The following ZBTB20 variants were observed in gnomAD, a reference collection of about 807,000 sequenced individuals.
ZBTB20 encodes zinc finger and BTB domain-containing protein 20.
ZBTB20 carries 9 observed loss-of-function variants against 56.9 expected under a neutral mutation model. The ratio of observed to expected loss-of-function variants is 0.16; its 90% confidence interval spans 0.10 to 0.28. The LOEUF (loss-of-function observed/expected upper bound fraction) is 0.28, where lower values mean the gene tolerates loss of function less well. Ranked by LOEUF, ZBTB20 falls within the 10% of genes least tolerant of loss-of-function variation. The probability of loss-of-function intolerance (pLI) is 1.00; values close to 1 mark genes in which losing one functional copy is unlikely to be tolerated. For missense variants in ZBTB20, 655 were observed against 1,003.0 expected, an observed-to-expected ratio of 0.65 and a Z score of 4.69; for synonymous variants, 417 against 420.7, an observed-to-expected ratio of 0.99 and a Z score of 0.11.
At position 114,665,778 on chromosome 3, in the gene ZBTB20, G is replaced by A. The variant is rs564421767; in HGVS notation, c.-295+27750C>T. ...AACAATTCATTGAACATGAGAAAAA[G>A]CAAACAAACACGCTTGTTAATAAAT... On this transcript the variant is annotated intron_variant, in intron 6 of 11. Coordinates refer to ENST00000675478, the MANE Select transcript of ZBTB20 (RefSeq NM_001348800.3). 5.3e-5 allele frequency among the ~76,000 whole-genome samples: 8 copies of A among 152,072 alleles called. No individual in the cohort carries two copies. The South Asian group carries it at 1.7e-3, about 32-fold the overall frequency.
chr3:114,378,838 T>C lies in ZBTB20; in HGVS notation c.199+1379A>G, dbSNP rs535425401. On this transcript the variant is annotated intron_variant, in intron 10 of 11. Transcript: ENST00000675478. Reference sequence around the variant, plus strand: ...AGGCAAGAAGGTCCAAGGATGTGACTATTAGGACGGTCCTCAGAACACAGT... The same window carrying C: ...AGGCAAGAAGGTCCAAGGATGTGACCATTAGGACGGTCCTCAGAACACAGT... 9 of 152,418 alleles carry C rather than the reference T, an allele frequency of 5.9e-5. No individual in the cohort carries two copies. In the East Asian group the frequency reaches 1.2e-3, roughly 20 times the overall value. The allele number at this position is 152,418 out of a possible 1,614,324, so 9.4% of individuals were successfully genotyped here. A position where few individuals can be genotyped will look rare whatever the true frequency, so the allele number is the denominator to read the frequency against.
At chr3:114,802,492 A>C (rs2071788425) in intron 4 of ZBTB20, among the ~76,000 whole-genome samples, 1 of 151,900 alleles carries the variant, frequency 6.6e-6, no homozygotes, top group South Asian at 2.1e-4. Flanking sequence ...AAAAAAAATC[A>C]CTGACATTGA....
chr3:115,142,525 G>A (rs986442858), intron 1 of ZBTB20, among the ~76,000 whole-genome samples: 18 of 152,006 alleles, frequency 1.2e-4, no homozygotes, highest in African/African-American at 3.9e-4. Flanking sequence ...TTAGTAGGAC[G>A]TGGCTGTGCG....
At chr3:114,867,271 AGAAG>A (rs1323883728) in intron 4 of ZBTB20, among the ~76,000 whole-genome samples, 2 of 152,198 alleles carry the variant, frequency 1.3e-5, no homozygotes. Context: ...CCAGATATCA[AGAAG>A]AAAAGCCACT....
chr3:114,632,361 C>T (rs1416191304), intron 6 of ZBTB20, among the ~76,000 whole-genome samples: 1 of 152,188 alleles, frequency 6.6e-6, no homozygotes, highest in Non-Finnish European at 1.5e-5. Flanking sequence ...GCACACCCCC[C>T]TCTCCCCTGC....
chr3:114,502,139 T>C (rs2044065544), intron 6 of ZBTB20, among the ~76,000 whole-genome samples: 1 of 152,166 alleles, frequency 6.6e-6, no homozygotes, highest in Non-Finnish European at 1.5e-5. Flanking sequence ...CACTTAAATA[T>C]ATCAAGAATT....
intron 7 of ZBTB20, among the ~76,000 whole-genome samples, chr3:114,485,164 A>G (rs184519796): frequency 2.6e-5 from 4 of 152,316 alleles, no homozygotes; most frequent in Admixed American, 2.6e-4. Context: ...TACTGTTCCC[A>G]TGAAATAATC....
At chr3:115,064,368 G>A (rs2108488805) in intron 2 of ZBTB20, among the ~76,000 whole-genome samples, 1 of 144,510 alleles carries the variant, frequency 6.9e-6, no homozygotes. Flanking sequence ...AAATAAAAAT[G>A]TTTTTTCTAC....
chr3:115,100,030 A>C (rs570563128), intron 1 of ZBTB20: 1 of 152,240 alleles, frequency 6.6e-6, no homozygotes, highest in Admixed American at 6.5e-5. Context: ...TCTAAATTTT[A>C]AGCTAGCACT....
chr3:114,533,288 A>C lies in ZBTB20; in HGVS notation c.-294-32897T>G, dbSNP rs188379504. ...CTAACTAGAATAACCAGTTTAGAGA[A>C]GAACATAAATTACCTGCTGGAACTG... On this transcript the variant is annotated intron_variant, in intron 6 of 11. Transcript: ENST00000675478. Among the ~76,000 whole-genome samples the C allele has an allele frequency of 5.9e-3, 900 of 152,204 alleles. 5 individuals carry two copies. The highest frequency in any genetic ancestry group is 0.02 in the Middle Eastern group (6 of 294).
In ZBTB20 at chr3:114,339,133, G is replaced by A. The variant is rs765872340; in HGVS notation, c.2098C>T (p.Arg700Cys). 8.7e-6 allele frequency: 14 copies of A among 1,612,576 alleles called. No individual in the cohort carries two copies. Among genetic ancestry groups the A allele is most frequent in the Middle Eastern group, 1.7e-4 (1 of 6,054 alleles). Residue 700 changes from arginine to cysteine, a missense_variant, in exon 12 of 12, where the codon CGC (arginine) becomes TGC (cysteine). Physicochemically the swap from Arg to Cys is radical, Grantham distance 180 (BLOSUM62 -3). Around this residue, in one of 10 missense-constraint regions of ZBTB20, gnomAD observed 89 missense variants for 79.7 expected, o/e 1.12. Coordinates refer to ENST00000675478, the MANE Select transcript of ZBTB20 (RefSeq NM_001348800.3). This position sits in a 1 kb window ranked among gnomAD's most constrained non-coding sequence, Gnocchi z 4.2. ...TPPAGTPPGA[R>C]AGPPGVVACT... Reference sequence around the variant, plus strand: ...GCCACCACGCCTGGGGGGCCAGCGCGGGCACCTGGGGGTGTGCCTGCAGGG... The same window carrying A: ...GCCACCACGCCTGGGGGGCCAGCGCAGGCACCTGGGGGTGTGCCTGCAGGG...
intron 7 of ZBTB20, among the ~76,000 whole-genome samples, chr3:114,455,132 C>A (rs1238313713): frequency 6.8e-6 from 1 of 148,044 alleles, no homozygotes; most frequent in Non-Finnish European, 1.5e-5. Flanking sequence ...CTGATTGGAA[C>A]AGGAGGGAGA....
At chr3:115,042,885 A>AT (rs1295139571) in intron 2 of ZBTB20, among the ~76,000 whole-genome samples, 1 of 152,172 alleles carries the variant, frequency 6.6e-6, no homozygotes, top group East Asian at 1.9e-4. Context: ...ATCATACCCC[A>AT]TTTTTTGTAT....
chr3:114,851,295 T>C lies in ZBTB20; in HGVS notation c.-417+49009A>G, dbSNP rs144314406. Reference sequence around the variant, plus strand: ...TCTCTTTACAAAGTTGACTGATTTATTCATTTAGTAGATACACACACAGGT... The same window carrying C: ...TCTCTTTACAAAGTTGACTGATTTACTCATTTAGTAGATACACACACAGGT... On this transcript the variant is annotated intron_variant, in intron 4 of 11. Transcript: ENST00000675478. 2.5e-3 allele frequency among the ~76,000 whole-genome samples: 384 copies of C among 152,366 alleles called. 4 individuals are homozygous for C. Among genetic ancestry groups the C allele is most frequent in the African/African-American group, 8.7e-3 (362 of 41,590 alleles).
intron 7 of ZBTB20, among the ~76,000 whole-genome samples, chr3:114,392,444 T>C (rs2085961475): frequency 6.6e-6 from 1 of 152,146 alleles, no homozygotes; most frequent in South Asian, 2.1e-4. Flanking sequence ...AATAAAATGT[T>C]AAAAATACCA....
At chr3:114,697,878 A>G (rs140447302) in intron 5 of ZBTB20, among the ~76,000 whole-genome samples, 134 of 152,220 alleles carry the variant, frequency 8.8e-4, no homozygotes, top group African/African-American at 3.1e-3. Flanking sequence ...TATAGCTCTG[A>G]CTTTTGGTTA....
chr3:114,372,052 CA>C (rs1247435622), intron 10 of ZBTB20, among the ~76,000 whole-genome samples: 1 of 152,174 alleles, frequency 6.6e-6, no homozygotes, highest in African/African-American at 2.4e-5. Flanking sequence ...AAAGAATCCT[CA>C]TGCTTGCTCT....
At chr3:114,734,240 A>T (rs947117356) in intron 5 of ZBTB20, among the ~76,000 whole-genome samples, 2 of 151,818 alleles carry the variant, frequency 1.3e-5, no homozygotes, top group African/African-American at 4.8e-5. Context: ...CAATTGTGAT[A>T]AAAATGACAT....
chr3:114,919,919 AG>A (rs1043548342), intron 3 of ZBTB20, among the ~76,000 whole-genome samples: 1 of 152,226 alleles, frequency 6.6e-6, no homozygotes, highest in Non-Finnish European at 1.5e-5. Flanking sequence ...CAAAAAGTGA[AG>A]ACATGAGAAA....
Sources: gnomAD v4.1 joint callset for allele counts (sites outside exome capture counted in the v4.1 genomes callset) on GRCh38, gnomAD v4.1.1 for gene constraint, gnomAD v4.1.1 regional missense constraint, Gnocchi (gnomAD v3.1) non-coding constraint, MANE v1.5 for transcripts, NCBI Gene and HGNC (gene_info 2026-07-23, HGNC 2026-07-21) for gene names.